Variants in CERKL observed in about 807,000 individuals in gnomAD.
The protein encoded by CERKL is ceramide kinase-like protein.
CERKL carries 61 observed loss-of-function variants against 63.4 expected under a neutral mutation model. The ratio of observed to expected loss-of-function variants is 0.96; its 90% CI spans 0.78 to 1.19. The LOEUF (loss-of-function observed/expected upper bound fraction) is 1.19, where lower values mean the gene tolerates loss of function less well. Ranked by LOEUF, CERKL falls within the 50% of genes most tolerant of loss-of-function variation. CERKL has a pLI of 0.00. For missense variants in CERKL, 675 were observed against 655.5 expected, an observed-to-expected ratio of 1.03 and a Z score of -0.33; for synonymous variants, 250 against 230.5, an observed-to-expected ratio of 1.08 and a Z score of -0.77.
rs759709536 is a variant in CERKL at position 181,547,839 on chromosome 2, T to C, written c.1142A>G (p.Gln381Arg). 3 of 1,613,780 alleles carry C rather than the reference T, an allele frequency of 1.9e-6. No individual in the cohort carries two copies. Among genetic ancestry groups the C allele is most frequent in the Non-Finnish European group, 1.7e-6 (2 of 1,180,010 alleles). The change falls in exon 9 of 13, where the codon CAG (glutamine) becomes CGG (arginine). Residue 381 changes from glutamine (Q) to arginine (R), a missense_variant. Transcript: ENST00000410087. ...SSDDVQERRA[Q>R]GSPKSDCNDQ... Reference sequence around the variant, plus strand: ...CGACTCACCAGATTTGGGAGATCCCTGTGCCCTCCTAAAAGAAAGAAAACA... The same window carrying C: ...CGACTCACCAGATTTGGGAGATCCCCGTGCCCTCCTAAAAGAAAGAAAACA...
At chr2:181,648,450 A>G (rs1346285840) in intron 1 of CERKL, among the ~76,000 whole-genome samples, 2 of 152,206 alleles carry the variant, frequency 1.3e-5, no homozygotes, top group Non-Finnish European at 2.9e-5. Flanking sequence ...TACTATATCC[A>G]GCAAAACTAT....
chr2:181,564,657 C>G (rs1473081194), intron 4 of CERKL, among the ~76,000 whole-genome samples: 1 of 152,158 alleles, frequency 6.6e-6, no homozygotes, highest in Admixed American at 6.6e-5. Flanking sequence ...GCAGAACATT[C>G]TGTAATGCTG....
In CERKL at chr2:181,657,069, G is replaced by T; in HGVS notation, c.-63C>A. 7.0e-7 allele frequency: 1 copy of T among 1,421,784 alleles called. No homozygotes were observed. Among genetic ancestry groups the T allele is most frequent in the Non-Finnish European group, 9.7e-7 (1 of 1,035,728 alleles). 88.1% of individuals were successfully genotyped at this position (1,421,784 alleles called of 1,614,324 possible). On this transcript the variant is annotated 5_prime_UTR_variant, in exon 1 of 13. Transcript: ENST00000410087. ...GGAGGCCTTTGGAGAAGGAGGTGGA[G>T]GGCGCGGCAGCCCCAGCTCTAGCCG...
Position 181,548,840 on chromosome 2 carries a change from C to T in CERKL, c.913G>A (p.Asp305Asn), listed in dbSNP as rs1483261415. The change falls in exon 7 of 13, where the codon GAC becomes AAC. Residue 305 changes from aspartate to asparagine, a missense_variant. Transcript: ENST00000410087. ...HIIMGHVQLV[D>N]VCTFSTAGKL... ...CCAGCGGTGCTGAAGGTGCAGACGT[C>T]GACCAGCTGTACATGCCCTTGAATA... 4 of 1,613,758 alleles carry T rather than the reference C, an allele frequency of 2.5e-6. No individual in the cohort carries two copies. Among genetic ancestry groups the T allele is most frequent in the African/African-American group, 1.3e-5 (1 of 74,920 alleles).
At chr2:181,617,293 G>A (rs1328067637) in intron 1 of CERKL, 1 of 152,166 alleles carries the variant, frequency 6.6e-6, no homozygotes, top group East Asian at 1.9e-4. Context: ...GTTTGCTCCA[G>A]GAGAAACACT....
chr2:181,570,717 G>T (rs1688866469), intron 3 of CERKL, among the ~76,000 whole-genome samples: 1 of 152,058 alleles, frequency 6.6e-6, no homozygotes, highest in Non-Finnish European at 1.5e-5. Flanking sequence ...TGAAAGAAGT[G>T]TGTTTTTATT....
intron 5 of CERKL, among the ~76,000 whole-genome samples, chr2:181,552,353 G>C (rs1416227885): frequency 2.0e-5 from 3 of 152,164 alleles, no homozygotes; most frequent in African/African-American, 7.2e-5. Flanking sequence ...AATCACGGGG[G>C]TGGTTTCCCC....
chr2:181,641,148 A>G (rs1029152057), intron 1 of CERKL, among the ~76,000 whole-genome samples: 14 of 152,108 alleles, frequency 9.2e-5, no homozygotes, highest in Non-Finnish European at 1.3e-4. Flanking sequence ...TTTCAGTTCA[A>G]ACAATGTATC....
intron 10 of CERKL, among the ~76,000 whole-genome samples, chr2:181,545,860 C>T (rs1687704970): frequency 6.6e-6 from 1 of 152,126 alleles, no homozygotes; most frequent in African/African-American, 2.4e-5. Flanking sequence ...GAAATAGAAA[C>T]ACAACTTACA....
intron 1 of CERKL, among the ~76,000 whole-genome samples, chr2:181,612,251 C>G (rs947749919): frequency 6.6e-6 from 1 of 152,150 alleles, no homozygotes; most frequent in Non-Finnish European, 1.5e-5. Context: ...AATCACTAAC[C>G]CTGTCATCTG....
At chr2:181,573,635 G>GT in intron 3 of CERKL, 118 bp downstream of exon 3, 1 of 803,374 alleles carries the variant, frequency 1.2e-6, no homozygotes, top group South Asian at 1.8e-5. Context: ...TTATGAAGAC[G>GT]TAAAAATGCT....
intron 1 of CERKL, among the ~76,000 whole-genome samples, chr2:181,646,568 C>T (rs1162195549): frequency 6.6e-6 from 1 of 152,136 alleles, no homozygotes; most frequent in Non-Finnish European, 1.5e-5. Context: ...ATGAGAACCA[C>T]AGTGTGCAAT....
intron 1 of CERKL, 88 bp downstream of exon 1, chr2:181,656,681 G>A: frequency 8.8e-7 from 1 of 1,136,944 alleles, no homozygotes; most frequent in Non-Finnish European, 1.2e-6. Flanking sequence ...AGGGGAGGGT[G>A]GAGCAAAAGC....
intron 1 of CERKL, among the ~76,000 whole-genome samples, chr2:181,626,923 T>C (rs1280885124): frequency 6.6e-6 from 1 of 152,258 alleles, no homozygotes; most frequent in African/African-American, 2.4e-5. Context: ...TTCCCTAGCT[T>C]TCAACATAGA....
intron 2 of CERKL, among the ~76,000 whole-genome samples, chr2:181,582,992 G>C (rs1369578789): frequency 6.6e-6 from 1 of 152,074 alleles, no homozygotes; most frequent in African/African-American, 2.4e-5. Context: ...CTTTGCTCAA[G>C]TCAGAAACTT....
intron 3 of CERKL, among the ~76,000 whole-genome samples, chr2:181,567,832 CA>C (rs1688728666): frequency 1.3e-5 from 2 of 151,966 alleles, no homozygotes; most frequent in African/African-American, 4.8e-5. Flanking sequence ...TAGAAAGGAC[CA>C]AATATGTATT....
intron 2 of CERKL, among the ~76,000 whole-genome samples, chr2:181,599,658 T>G (rs914447179): frequency 6.6e-6 from 1 of 151,614 alleles, no homozygotes; most frequent in South Asian, 2.1e-4. Context: ...TAGACAAACA[T>G]AAAGAATCTG....
intron 5 of CERKL, among the ~76,000 whole-genome samples, chr2:181,555,685 A>G (rs1688171254): frequency 6.6e-6 from 1 of 151,360 alleles, no homozygotes; most frequent in South Asian, 2.1e-4. Context: ...TTGCTTTTTT[A>G]GTGATAATGT....
At position 181,573,813 on chromosome 2, in the gene CERKL, C is replaced by G. The variant is rs146698457; in HGVS notation, c.553G>C (p.Val185Leu). Reference protein sequence around the residue: ...PQSHKKEATQVYYEKVEPLLK... With the variant: ...PQSHKKEATQLYYEKVEPLLK... Reference sequence around the variant, plus strand: ...AGAGGTTCAACCTTCTCATAATAAACCTGGGTAGCTTCTTTTTTGTGACTT... The same window carrying G: ...AGAGGTTCAACCTTCTCATAATAAAGCTGGGTAGCTTCTTTTTTGTGACTT... Residue 185 changes from valine to leucine, a missense_variant, in exon 3 of 13, where the codon GTT (valine) becomes CTT (leucine). Coordinates refer to ENST00000410087, the MANE Select transcript of CERKL (RefSeq NM_201548.5). 6.0e-5 allele frequency: 96 copies of G among 1,612,094 alleles called. No homozygotes were observed. Among genetic ancestry groups the G allele is most frequent in the Non-Finnish European group, 7.7e-5 (91 of 1,178,894 alleles).
Sources: gnomAD v4.1 joint callset for allele counts (sites outside exome capture counted in the v4.1 genomes callset) on GRCh38, gnomAD v4.1.1 for gene constraint, MANE v1.5 for transcripts, NCBI Gene and HGNC (gene_info 2026-07-23, HGNC 2026-07-21) for gene names.